SCAI: variants seen among roughly 807,000 people sequenced by gnomAD.
SCAI encodes suppressor of cancer cell invasion.
A neutral mutation model predicts 92.2 loss-of-function variants in SCAI; 24 were observed. The observed-to-expected ratio is 0.26, with a 90% confidence interval of 0.19 to 0.37. The LOEUF is 0.37. SCAI is among the 10% of genes least tolerant of loss of function. The probability of loss-of-function intolerance (pLI) is 1.00; values close to 1 mark genes in which losing one functional copy is unlikely to be tolerated. For synonymous variants in SCAI, 261 were observed against 258.6 expected (o/e 1.01, Z -0.09); for missense variants, 450 against 736.2 (o/e 0.61, Z 4.50).
At chr9:125,055,769 T>C (rs781676711) in intron 3 of SCAI, 107 bp downstream of exon 3, 3 of 823,368 alleles carry the variant, frequency 3.6e-6, no homozygotes, top group Non-Finnish European at 5.6e-6. Context: ...AATACAGAAA[T>C]TTATATGACA....
At chr9:125,042,770 C>G (rs1353536723) in intron 3 of SCAI, among the ~76,000 whole-genome samples, 3 of 150,318 alleles carry the variant, frequency 2.0e-5, no homozygotes, top group African/African-American at 7.3e-5. Flanking sequence ...TAATCCAATG[C>G]TCTTTTCCAC....
In SCAI at chr9:125,064,064, T is replaced by C. The variant is rs77132214; in HGVS notation, c.99-8057A>G. On this transcript the variant is annotated intron_variant, in intron 2 of 17. Transcript: ENST00000336505. ...CACCGCGCCCAGCCAATTCAATATATTTCTAAAAATCATATGCACCTAATA... is the reference window on the plus strand; with the variant it reads ...CACCGCGCCCAGCCAATTCAATATACTTCTAAAAATCATATGCACCTAATA... Among the ~76,000 whole-genome samples, 215 of 152,256 alleles carry C rather than the reference T, an allele frequency of 1.4e-3. 1 individual carries two copies. Among genetic ancestry groups the C allele is most frequent in the African/African-American group, 4.9e-3 (205 of 41,556 alleles).
intron 6 of SCAI, among the ~76,000 whole-genome samples, chr9:125,021,726 G>A (rs753826410): frequency 2.6e-5 from 4 of 151,452 alleles, no homozygotes; most frequent in Non-Finnish European, 5.9e-5. Flanking sequence ...AAATTCTTTC[G>A]ACCCATGAGT....
chr9:125,142,519 A>G, intron 2 of SCAI, 114 bp downstream of exon 2: 3 of 761,624 alleles, frequency 3.9e-6, no homozygotes, highest in Admixed American at 2.6e-5. Context: ...ATTCTTTTAA[A>G]AGGGGGATAA....
rs1564384631 is a variant in SCAI at position 125,028,420 on chromosome 9, T to C, written c.385A>G (p.Lys129Glu). 6.3e-7 allele frequency: 1 copy of C among 1,599,314 alleles called. No individual in the cohort carries two copies. Among genetic ancestry groups the C allele is most frequent in the Non-Finnish European group, 8.5e-7 (1 of 1,172,708 alleles). The change falls in exon 5 of 18, where the codon AAG becomes GAG. Residue 129 changes from lysine to glutamate, a missense_variant. This residue lies in a region of SCAI where 360 missense variants were observed against 601.8 expected (regional missense o/e 0.60). Coordinates refer to ENST00000336505, the MANE Select transcript of SCAI (RefSeq NM_001144877.3). ...KRWQIGEIASKIGQLYYHYYL... is the reference protein window; with the variant it reads ...KRWQIGEIASEIGQLYYHYYL... The stretch of plus-strand genomic sequence containing the variant: ...TAATGATAGTATAGCTGCCCAATCT[T>C]GGAAGCAATTTCTCCTATTTGCCAG...
intron 3 of SCAI, among the ~76,000 whole-genome samples, chr9:125,037,047 T>C (rs185170499): frequency 1.3e-5 from 2 of 152,210 alleles, no homozygotes; most frequent in East Asian, 3.9e-4. Flanking sequence ...GGCAGGCTGA[T>C]CACCTGAGGT....
At chr9:124,974,120 G>T (rs1191133311) in intron 15 of SCAI, 5 of 329,674 alleles carry the variant, frequency 1.5e-5, no homozygotes, top group Non-Finnish European at 2.4e-5. Context: ...GCTCTGTGAA[G>T]AATGTAACTG....
chr9:124,968,695 A>G, intron 17 of SCAI: 3 of 1,379,856 alleles, frequency 2.2e-6, no homozygotes, highest in Admixed American at 1.7e-5. Context: ...GATTTCCTCA[A>G]ATTCATCAAA....
At chr9:125,132,450 A>G (rs1490467838) in intron 2 of SCAI, among the ~76,000 whole-genome samples, 1 of 152,094 alleles carries the variant, frequency 6.6e-6, no homozygotes, top group Non-Finnish European at 1.5e-5. Context: ...CAATGAGCCA[A>G]TGATCCATTC....
Position 125,004,734 on chromosome 9 carries a change from CATATATATATATATATATATATATAT to C in SCAI, c.862-1190_862-1165del, listed in dbSNP as rs1165021670. Among the ~76,000 whole-genome samples, 101 of 27,658 alleles carry C rather than the reference CATATATATATATATATATATATATAT, an allele frequency of 3.7e-3. 6 individuals are homozygous for C. Among genetic ancestry groups the C allele is most frequent in the East Asian group, 9.7e-3 (10 of 1,030 alleles). The allele number at this position is 27,658 out of a possible 152,430, so 18.1% of individuals were successfully genotyped here. A position where few individuals can be genotyped will look rare whatever the true frequency, so the allele number is the denominator to read the frequency against. ...GCTATGCTGAAATACAACTGTGATCCATATATATATATATATATATATATATATATATATATATATATATATTTTTT... is the reference window on the plus strand; with the variant it reads ...GCTATGCTGAAATACAACTGTGATCCATATATATATATATATATATTTTTT... On this transcript the variant is annotated intron_variant, in intron 9 of 17. Transcript: ENST00000336505.
At chr9:124,971,506 T>A in intron 16 of SCAI, 36 bp from the exon 17 acceptor site, 2 of 1,524,360 alleles carry the variant, frequency 1.3e-6, no homozygotes, top group South Asian at 2.3e-5. Context: ...AAAAAGATGC[T>A]TAAATGGAAA....
intron 2 of SCAI, chr9:125,065,868 G>C: frequency 1.7e-6 from 1 of 600,854 alleles, no homozygotes; most frequent in South Asian, 2.1e-5. Flanking sequence ...CTCACATTTG[G>C]TAAAATTTAA....
intron 17 of SCAI, among the ~76,000 whole-genome samples, chr9:124,959,177 C>T (rs1165003007): frequency 2.0e-5 from 3 of 149,460 alleles, no homozygotes; most frequent in Admixed American, 1.3e-4. Flanking sequence ...TTAATGGGTG[C>T]AGCACACCAA....
At chr9:125,009,624 C>T (rs1270322383) in intron 9 of SCAI, among the ~76,000 whole-genome samples, 1 of 152,098 alleles carries the variant, frequency 6.6e-6, no homozygotes, top group Non-Finnish European at 1.5e-5. Flanking sequence ...TAGTGGCTCA[C>T]ACCCGTAATC....
chr9:125,093,047 C>T (rs562771146), intron 2 of SCAI, among the ~76,000 whole-genome samples: 2 of 152,294 alleles, frequency 1.3e-5, no homozygotes, highest in East Asian at 3.9e-4. Flanking sequence ...CTTCTTGAAA[C>T]ACTCCTGGTT....
Position 125,143,434 on chromosome 9 carries a change from C to A in SCAI, c.4G>T (p.Val2Phe). The change falls in exon 1 of 18, where the codon GTC becomes TTC. Residue 2 changes from valine to phenylalanine, a missense_variant. Transcript: ENST00000336505. M[V>F]RGARQPQQPR... Reference sequence around the variant, plus strand: ...TGCTGGGGCTGCCGGGCTCCTCTGACCATCCGGCTCCTGCTCCGCCGCGGG... The same window carrying A: ...TGCTGGGGCTGCCGGGCTCCTCTGAACATCCGGCTCCTGCTCCGCCGCGGG... The A allele has an allele frequency of 7.2e-7, 1 of 1,388,938 alleles. No homozygotes were observed. The allele number at this position is 1,388,938 out of a possible 1,614,324, so 86.0% of individuals were successfully genotyped here. A position where few individuals can be genotyped will look rare whatever the true frequency, so the allele number is the denominator to read the frequency against.
chr9:125,073,944 CTT>C (rs751030059), intron 2 of SCAI, among the ~76,000 whole-genome samples: 29 of 142,662 alleles, frequency 2.0e-4, no homozygotes, highest in Admixed American at 2.8e-4. Flanking sequence ...TCTCGTTCTC[CTT>C]TTTTTTTTTT....
intron 15 of SCAI, chr9:124,975,172 C>A: frequency 8.7e-6 from 3 of 343,012 alleles, no homozygotes; most frequent in Non-Finnish European, 1.7e-5. Context: ...AAGTTCTATC[C>A]CTTAGTAATT....
At chr9:125,030,015 G>T (rs1031111588) in intron 3 of SCAI, among the ~76,000 whole-genome samples, 2 of 151,902 alleles carry the variant, frequency 1.3e-5, no homozygotes, top group African/African-American at 4.8e-5. Flanking sequence ...CCTCTCCCTC[G>T]GTGATCTTAT....
Sources: gnomAD v4.1 joint callset for allele counts (sites outside exome capture counted in the v4.1 genomes callset) on GRCh38, gnomAD v4.1.1 for gene constraint, gnomAD v4.1.1 regional missense constraint, MANE v1.5 for transcripts, NCBI Gene and HGNC (gene_info 2026-07-23, HGNC 2026-07-21) for gene names.